Variants in B3GALT1 observed in about 807,000 individuals in gnomAD.
B3GALT1 encodes the protein beta-1,3-galactosyltransferase 1.
In B3GALT1, 10 loss-of-function variants were observed where a neutral mutation model predicts 23.2. That is an observed-to-expected ratio of 0.43 (90% confidence interval 0.27 to 0.73). B3GALT1 has a LOEUF of 0.73. Ranked by LOEUF, B3GALT1 falls within the 30% of genes least tolerant of loss-of-function variation. The pLI, the probability that B3GALT1 is intolerant of heterozygous loss-of-function variation, is 0.21. For synonymous variants in B3GALT1, 156 were observed against 141.5 expected (o/e 1.10, Z -0.73); for missense variants, 299 against 405.4 (o/e 0.74, Z 2.25).
At chr2:167,564,441 C>T (rs1684107139) in intron 2 of B3GALT1, among the ~76,000 whole-genome samples, 1 of 152,134 alleles carries the variant, frequency 6.6e-6, no homozygotes, top group Admixed American at 6.5e-5. Flanking sequence ...CGGAGACGCT[C>T]CCCACCTCCC....
At chr2:167,679,224 T>C (rs1465939964) in intron 3 of B3GALT1, among the ~76,000 whole-genome samples, 1 of 151,990 alleles carries the variant, frequency 6.6e-6, no homozygotes, top group African/African-American at 2.4e-5. Context: ...GTTCAAGCAA[T>C]TCTCCTGCCT....
In B3GALT1 at chr2:167,388,777, G is replaced by A. The variant is rs148885374; in HGVS notation, c.-511+95443G>A. 3.6e-4 allele frequency among the ~76,000 whole-genome samples: 55 copies of A among 152,262 alleles called. 1 individual carries two copies. The East Asian group carries it at 0.01, about 28-fold the overall frequency. On this transcript the variant is annotated intron_variant, in intron 1 of 4. Coordinates refer to ENST00000392690, the MANE Select transcript of B3GALT1 (RefSeq NM_020981.4). ...AATAGAAGGATTTGTTTAAAACTCA[G>A]CAGGTGATTCAGTGTGTAGCCAGTC...
chr2:167,448,778 T>C (rs1321855066), intron 1 of B3GALT1, among the ~76,000 whole-genome samples: 1 of 152,220 alleles, frequency 6.6e-6, no homozygotes, highest in Non-Finnish European at 1.5e-5. Flanking sequence ...GATTTTCATG[T>C]AAGATGAGAT....
chr2:167,312,213 A>G (rs1574028317), intron 1 of B3GALT1, among the ~76,000 whole-genome samples: 1 of 151,992 alleles, frequency 6.6e-6, no homozygotes, highest in African/African-American at 2.4e-5. Context: ...CGTAGGAAGC[A>G]GTAAAGAGCA....
At chr2:167,762,120 C>T (rs1169312031) in intron 3 of B3GALT1, among the ~76,000 whole-genome samples, 1 of 151,996 alleles carries the variant, frequency 6.6e-6, no homozygotes, top group Non-Finnish European at 1.5e-5. Context: ...AGAAATATGC[C>T]ATTTAGCAAG....
At chr2:167,697,205 C>T (rs1686802634) in intron 3 of B3GALT1, among the ~76,000 whole-genome samples, 1 of 152,090 alleles carries the variant, frequency 6.6e-6, no homozygotes, top group Non-Finnish European at 1.5e-5. Context: ...ATTATATGCC[C>T]ACTTGCAAAG....
chr2:167,788,897 C>T (rs1194172741), intron 3 of B3GALT1, among the ~76,000 whole-genome samples: 2 of 152,078 alleles, frequency 1.3e-5, no homozygotes, highest in African/African-American at 2.4e-5. Context: ...AATCATATTC[C>T]GTGACTGTCT....
At chr2:167,602,510 C>A (rs1178914963) in intron 2 of B3GALT1, among the ~76,000 whole-genome samples, 1 of 152,042 alleles carries the variant, frequency 6.6e-6, no homozygotes, top group African/African-American at 2.4e-5. Context: ...ATGGTACAGG[C>A]CTTGATACAA....
intron 1 of B3GALT1, among the ~76,000 whole-genome samples, chr2:167,329,426 G>A (rs1193724414): frequency 6.6e-6 from 1 of 152,168 alleles, no homozygotes; most frequent in Non-Finnish European, 1.5e-5. Context: ...GTATCCTGGA[G>A]AATGTTACAT....
intron 2 of B3GALT1, among the ~76,000 whole-genome samples, chr2:167,640,788 G>A (rs545496042): frequency 2.0e-5 from 3 of 152,214 alleles, no homozygotes; most frequent in African/African-American, 7.2e-5. Flanking sequence ...GCTTAAAACT[G>A]ACTCATGGTG....
intron 3 of B3GALT1, chr2:167,715,436 T>G: frequency 6.2e-7 from 1 of 1,608,310 alleles, no homozygotes. Flanking sequence ...ACTCAAAGCA[T>G]CTTTTATTGC....
chr2:167,559,004 C>T (rs1683910047), intron 2 of B3GALT1, among the ~76,000 whole-genome samples: 1 of 152,208 alleles, frequency 6.6e-6, no homozygotes, highest in African/African-American at 2.4e-5. Flanking sequence ...CAGACTGCCT[C>T]CTCAAGTGGG....
At chr2:167,621,964 T>A (rs895060288) in intron 2 of B3GALT1, among the ~76,000 whole-genome samples, 21 of 152,148 alleles carry the variant, frequency 1.4e-4, no homozygotes, top group African/African-American at 5.1e-4. Flanking sequence ...CTTTATAAAT[T>A]ACCCAGTCTT....
chr2:167,774,799 A>T (rs1225263711), intron 3 of B3GALT1, among the ~76,000 whole-genome samples: 2 of 151,854 alleles, frequency 1.3e-5, no homozygotes, highest in Non-Finnish European at 2.9e-5. Context: ...CCCGGCCTCT[A>T]TGTTTATTCT....
chr2:167,663,840 C>A (rs1230446667), intron 3 of B3GALT1, among the ~76,000 whole-genome samples: 1 of 151,968 alleles, frequency 6.6e-6, no homozygotes, highest in Admixed American at 6.5e-5. Flanking sequence ...TGTTGGAGTT[C>A]ATTGTAGATT....
chr2:167,294,490 G>C (rs1242292079), intron 1 of B3GALT1, among the ~76,000 whole-genome samples: 1 of 152,254 alleles, frequency 6.6e-6, no homozygotes, highest in Non-Finnish European at 1.5e-5. Context: ...TACTGGGCCA[G>C]ATCCGAATCT....
intron 3 of B3GALT1, among the ~76,000 whole-genome samples, chr2:167,769,947 A>C (rs377237836): frequency 4.6e-5 from 7 of 152,302 alleles, no homozygotes; most frequent in African/African-American, 1.4e-4. Context: ...AGTGTATTTA[A>C]CTTTGTAGGA....
intron 3 of B3GALT1, among the ~76,000 whole-genome samples, chr2:167,695,033 C>T (rs1686771164): frequency 6.6e-6 from 1 of 152,104 alleles, no homozygotes; most frequent in South Asian, 2.1e-4. Context: ...TGAGCTCTGC[C>T]CAAAACCTTC....
At chr2:167,400,836 T>A (rs1256376296) in intron 1 of B3GALT1, among the ~76,000 whole-genome samples, 1 of 152,030 alleles carries the variant, frequency 6.6e-6, no homozygotes, top group African/African-American at 2.4e-5. Flanking sequence ...AGGAAATGTA[T>A]CCCAAAAGAC....
Sources: gnomAD v4.1 joint callset for allele counts (sites outside exome capture counted in the v4.1 genomes callset) on GRCh38, gnomAD v4.1.1 for gene constraint, MANE v1.5 for transcripts, NCBI Gene and HGNC (gene_info 2026-07-23, HGNC 2026-07-21) for gene names.